The following TENM3 variants were observed in gnomAD, a reference collection of about 807,000 sequenced individuals.
TENM3 encodes the protein teneurin-3.
Under a neutral mutation model 255.1 loss-of-function variants are expected in TENM3, and 63 were observed. The ratio of observed to expected loss-of-function variants is 0.25; its 90% CI spans 0.20 to 0.30. The LOEUF is 0.30. TENM3 is among the 10% of genes least tolerant of loss of function. The probability of loss-of-function intolerance (pLI) is 1.00; values close to 1 mark genes in which losing one functional copy is unlikely to be tolerated. For missense variants in TENM3, 2,929 were observed against 3,461.1 expected (o/e 0.85, Z 3.86); for synonymous variants, 1,306 against 1,322.3 (o/e 0.99, Z 0.27).
chr4:181,970,695 C>T, the TENM3 span, among the ~76,000 whole-genome samples: 1 of 152,164 alleles, frequency 6.6e-6, no homozygotes. Context: ...ATCTCCTCCC[C>T]ACTTGGATTT....
chr4:182,681,391 T>A (rs1756162957), intron 10 of TENM3, among the ~76,000 whole-genome samples: 1 of 152,180 alleles, frequency 6.6e-6, no homozygotes, highest in Non-Finnish European at 1.5e-5. Flanking sequence ...CTAAAGCACA[T>A]TGAAGTGAAT....
chr4:181,546,570 C>T, the TENM3 span, among the ~76,000 whole-genome samples: 5,247 of 140,688 alleles, frequency 0.037, 195 homozygotes, highest in South Asian at 0.12. Flanking sequence ...AAAAATTAGC[C>T]GGGCGTGGTG....
At chr4:181,713,528 CA>C in the TENM3 span, among the ~76,000 whole-genome samples, 1 of 152,234 alleles carries the variant, frequency 6.6e-6, no homozygotes, top group African/African-American at 2.4e-5. Flanking sequence ...TCACTACCAC[CA>C]AAAGTAAGGC....
At chr4:182,066,720 C>A in the TENM3 span, among the ~76,000 whole-genome samples, 2 of 151,714 alleles carry the variant, frequency 1.3e-5, no homozygotes, top group Admixed American at 6.6e-5. Context: ...ACCGTCCTGG[C>A]TAACACCATG....
At chr4:182,733,372 A>G (rs564157774) in intron 16 of TENM3, among the ~76,000 whole-genome samples, 2 of 152,330 alleles carry the variant, frequency 1.3e-5, no homozygotes, top group South Asian at 4.1e-4. Context: ...AAGCAGAGCA[A>G]TGACAGTCAC....
At chr4:182,378,023 T>C (rs115632719) in intron 3 of TENM3, among the ~76,000 whole-genome samples, 3,834 of 152,206 alleles carry the variant, frequency 0.025, 152 homozygotes, top group African/African-American at 0.088. Flanking sequence ...TGCTAGGTCA[T>C]GTGGAGGATA....
the TENM3 span, among the ~76,000 whole-genome samples, chr4:182,003,783 A>C: frequency 6.6e-6 from 1 of 152,150 alleles, no homozygotes; most frequent in Non-Finnish European, 1.5e-5. Context: ...TGCTATATGC[A>C]ATTCTTTTAA....
At chr4:182,198,762 G>A (rs1753988915) in intron 1 of TENM3, among the ~76,000 whole-genome samples, 1 of 152,148 alleles carries the variant, frequency 6.6e-6, no homozygotes, top group African/African-American at 2.4e-5. Context: ...AAGACCCGAT[G>A]ATGAAGGACA....
the TENM3 span, among the ~76,000 whole-genome samples, chr4:181,672,898 C>G: frequency 6.6e-6 from 1 of 152,164 alleles, no homozygotes; most frequent in African/African-American, 2.4e-5. Context: ...GTGGGGCTGG[C>G]ACCCTAGCTG....
chr4:181,644,438 A>C, the TENM3 span, among the ~76,000 whole-genome samples: 5 of 151,932 alleles, frequency 3.3e-5, no homozygotes, highest in Non-Finnish European at 7.4e-5. Flanking sequence ...ATCTTAAAAA[A>C]AAAAAAATAC....
intron 5 of TENM3, among the ~76,000 whole-genome samples, chr4:182,644,179 T>C (rs575065416): frequency 1.3e-5 from 2 of 152,292 alleles, no homozygotes; most frequent in South Asian, 2.1e-4. Flanking sequence ...TCCAAGGTTC[T>C]GGCAATTGCT....
chr4:181,845,709 G>T, the TENM3 span, among the ~76,000 whole-genome samples: 3 of 152,068 alleles, frequency 2.0e-5, no homozygotes, highest in Non-Finnish European at 2.9e-5. Flanking sequence ...ATTTATTAAC[G>T]CTCTATACCT....
chr4:181,641,594 G>A, the TENM3 span, among the ~76,000 whole-genome samples: 30 of 30,204 alleles, frequency 9.9e-4, no homozygotes, highest in Non-Finnish European at 1.2e-3. Flanking sequence ...ATATATATAT[G>A]GTGTGTGTGT....
chr4:182,622,087 A>G (rs1201869207), intron 4 of TENM3, among the ~76,000 whole-genome samples: 1 of 152,066 alleles, frequency 6.6e-6, no homozygotes, highest in Non-Finnish European at 1.5e-5. Flanking sequence ...GCGGCAGGGC[A>G]TGGTGGCCCA....
intron 22 of TENM3, among the ~76,000 whole-genome samples, chr4:182,760,525 T>C (rs747419227): frequency 3.3e-5 from 5 of 152,074 alleles, no homozygotes; most frequent in Non-Finnish European, 7.4e-5. Flanking sequence ...AATATGTACA[T>C]GCACACCAGC....
intron 2 of TENM3, among the ~76,000 whole-genome samples, chr4:182,335,304 C>T (rs60078715): frequency 0.44 from 31,538 of 71,386 alleles, 6,741 homozygotes; most frequent in Non-Finnish European, 0.49. Context: ...CGAGACCATC[C>T]TGTGAATGGT....
At chr4:181,573,399 A>T in the TENM3 span, among the ~76,000 whole-genome samples, 1 of 151,962 alleles carries the variant, frequency 6.6e-6, no homozygotes, top group Non-Finnish European at 1.5e-5. Context: ...CCTGGCCAGC[A>T]CTGCCTGTCT....
chr4:182,729,992 A>G (rs1760561233), intron 14 of TENM3, among the ~76,000 whole-genome samples: 4 of 152,244 alleles, frequency 2.6e-5, no homozygotes, highest in Admixed American at 2.6e-4. Context: ...ATTAAAACCC[A>G]GGATAAACAC....
At chr4:182,541,796 T>C (rs765268562) in intron 3 of TENM3, among the ~76,000 whole-genome samples, 1 of 152,124 alleles carries the variant, frequency 6.6e-6, no homozygotes, top group Non-Finnish European at 1.5e-5. Flanking sequence ...CAGTGGCTCA[T>C]GGCTGTAATC....
Sources: gnomAD v4.1 joint callset for allele counts (sites outside exome capture counted in the v4.1 genomes callset) on GRCh38, gnomAD v4.1.1 for gene constraint, MANE v1.5 for transcripts, NCBI Gene and HGNC (gene_info 2026-07-23, HGNC 2026-07-21) for gene names.